SLC39A11: variants seen among roughly 807,000 people sequenced by gnomAD.
SLC39A11 encodes the protein solute carrier family 39 member 11.
In SLC39A11, 33 loss-of-function variants were observed where a neutral mutation model predicts 36.1. The ratio of observed to expected loss-of-function variants is 0.91; its 90% CI spans 0.69 to 1.22. SLC39A11 has a LOEUF of 1.22. Ranked by LOEUF, SLC39A11 falls within the 50% of genes most tolerant of loss-of-function variation. SLC39A11 has a pLI of 0.00. For missense variants in SLC39A11, 432 were observed against 430.3 expected (o/e 1.00, Z -0.03); for synonymous variants, 166 against 170.3 (o/e 0.97, Z 0.20).
At chr17:72,674,767 C>A (rs923302486) in intron 7 of SLC39A11, among the ~76,000 whole-genome samples, 1 of 152,190 alleles carries the variant, frequency 6.6e-6, no homozygotes, top group Non-Finnish European at 1.5e-5. Flanking sequence ...AGTGTTGTTA[C>A]AACTAGCATG....
chr17:73,055,353 G>A (rs1157046810), intron 3 of SLC39A11, among the ~76,000 whole-genome samples: 1 of 152,104 alleles, frequency 6.6e-6, no homozygotes, highest in Non-Finnish European at 1.5e-5. Flanking sequence ...GAGGATGTCT[G>A]CACAATTGAG....
intron 4 of SLC39A11, among the ~76,000 whole-genome samples, chr17:72,969,245 A>G (rs1375035497): frequency 6.6e-6 from 1 of 152,190 alleles, no homozygotes; most frequent in Admixed American, 6.5e-5. Context: ...AGCCAGCTTC[A>G]TTGGCAGCAG....
At position 72,902,764 on chromosome 17, in the gene SLC39A11, ACCAGTGGGTACCCCTCTGGTTTCTT is replaced by A. The variant is rs531374502; in HGVS notation, c.430+44963_430+44987del. Among the ~76,000 whole-genome samples the A allele has an allele frequency of 5.2e-3, 797 of 152,176 alleles. 3 individuals carry two copies. Among genetic ancestry groups the A allele is most frequent in the African/African-American group, 0.019 (768 of 41,506 alleles). On this transcript the variant is annotated intron_variant, in intron 5 of 9. Coordinates refer to ENST00000255559, the MANE Select transcript of SLC39A11 (RefSeq NM_139177.4). ...AACCAGGTGTACAATTAGCTTAACAACCAGTGGGTACCCCTCTGGTTTCTTCCAGTGGGTACCCCTCTGCCCAGGA... is the reference window on the plus strand; with the variant it reads ...AACCAGGTGTACAATTAGCTTAACAACCAGTGGGTACCCCTCTGCCCAGGA...
rs369459244 is a variant in SLC39A11, at chr17:72,849,546, C to T, written c.601+88G>A. ...CCAAAAAGGACCCACGTCACAATTG[C>T]CCCTTCCCCTTTTCCAGCCAGACAA... is the stretch of plus-strand genomic sequence containing the variant. On this transcript the variant is annotated intron_variant, in intron 6 of 9. Transcript: ENST00000255559. 21 of 1,364,764 alleles carry T rather than the reference C, an allele frequency of 1.5e-5. 1 individual carries two copies. In the African/African-American group the frequency reaches 2.2e-4, roughly 14 times the overall value. 84.5% of individuals were successfully genotyped at this position (1,364,764 alleles called of 1,614,324 possible). A position where few individuals can be genotyped will look rare whatever the true frequency, so the allele number is the denominator to read the frequency against.
chr17:73,049,251 C>G (rs947597767), intron 3 of SLC39A11, among the ~76,000 whole-genome samples: 1 of 152,160 alleles, frequency 6.6e-6, no homozygotes, highest in Non-Finnish European at 1.5e-5. Flanking sequence ...CAGAGAGGGA[C>G]TGGGGGCAGG....
At chr17:72,738,739 G>T (rs1221457668) in intron 6 of SLC39A11, among the ~76,000 whole-genome samples, 1 of 152,164 alleles carries the variant, frequency 6.6e-6, no homozygotes, top group Non-Finnish European at 1.5e-5. Context: ...GGTCAAATTC[G>T]AACTTTCTTT....
chr17:72,703,453 G>A (rs779306189), intron 7 of SLC39A11, among the ~76,000 whole-genome samples: 2 of 152,138 alleles, frequency 1.3e-5, no homozygotes, highest in Non-Finnish European at 2.9e-5. Context: ...CCTTTGAATG[G>A]GCATTTTCTT....
rs201373790 is a variant in SLC39A11 at position 72,822,257 on chromosome 17, TAGAG to T, written c.601+27373_601+27376del. Among the ~76,000 whole-genome samples, 66 of 147,054 alleles carry T rather than the reference TAGAG, an allele frequency of 4.5e-4. 4 individuals are homozygous for T. Among genetic ancestry groups the T allele is most frequent in the African/African-American group, 5.4e-4 (22 of 40,538 alleles). On this transcript the variant is annotated intron_variant, in intron 6 of 9. Transcript: ENST00000255559. ...ACTATACACACATACTATATATATATAGAGAGAGAGAATATATATAGAGAGAGAT... is the reference window on the plus strand; with the variant it reads ...ACTATACACACATACTATATATATATAGAGAGAATATATATAGAGAGAGAT...
chr17:72,801,884 T>C (rs994774936), intron 6 of SLC39A11, among the ~76,000 whole-genome samples: 14 of 152,094 alleles, frequency 9.2e-5, no homozygotes, highest in Non-Finnish European at 1.9e-4. Flanking sequence ...TTTAAAACAA[T>C]AAAAAAACTT....
chr17:72,727,285 C>T (rs2073966012), intron 7 of SLC39A11, among the ~76,000 whole-genome samples: 2 of 152,168 alleles, frequency 1.3e-5, no homozygotes, highest in Admixed American at 6.5e-5. Flanking sequence ...GCATGCAATT[C>T]CCCAAGCACA....
chr17:72,685,147 G>A (rs560515244), intron 7 of SLC39A11, among the ~76,000 whole-genome samples: 88 of 144,988 alleles, frequency 6.1e-4, no homozygotes, highest in African/African-American at 2.1e-3. Flanking sequence ...GGGACACAGG[G>A]GTGAATGAGA....
At chr17:72,966,639 T>G (rs911299172) in intron 4 of SLC39A11, among the ~76,000 whole-genome samples, 1 of 152,072 alleles carries the variant, frequency 6.6e-6, no homozygotes, top group East Asian at 1.9e-4. Context: ...GCGCGATCTC[T>G]GCTCACTGCA....
intron 4 of SLC39A11, among the ~76,000 whole-genome samples, chr17:72,973,418 G>T (rs537089875): frequency 7.9e-5 from 12 of 152,038 alleles, no homozygotes; most frequent in African/African-American, 2.7e-4. Context: ...AAGATGAGAA[G>T]GGACAACCTC....
At chr17:72,840,477 G>T (rs184242309) in intron 6 of SLC39A11, among the ~76,000 whole-genome samples, 1 of 152,214 alleles carries the variant, frequency 6.6e-6, no homozygotes, top group Admixed American at 6.5e-5. Context: ...AAAATTAGGC[G>T]GCTGGGAGTG....
chr17:72,668,290 G>T (rs2070847097), intron 7 of SLC39A11, among the ~76,000 whole-genome samples: 1 of 150,596 alleles, frequency 6.6e-6, no homozygotes, highest in Non-Finnish European at 1.5e-5. Flanking sequence ...GACCAAGTCA[G>T]TAACTATAAA....
chr17:72,936,291 G>A (rs2084747852), intron 5 of SLC39A11, among the ~76,000 whole-genome samples: 1 of 151,752 alleles, frequency 6.6e-6, no homozygotes, highest in East Asian at 1.9e-4. Context: ...CACATTTTCC[G>A]AGATGATCCC....
At chr17:72,863,673 G>A (rs1230106940) in intron 5 of SLC39A11, among the ~76,000 whole-genome samples, 1 of 152,304 alleles carries the variant, frequency 6.6e-6, no homozygotes, top group East Asian at 1.9e-4. Flanking sequence ...AGACAGTCAG[G>A]TCCTGGCTCA....
chr17:72,713,530 T>C (rs979127414), intron 7 of SLC39A11, among the ~76,000 whole-genome samples: 1 of 152,192 alleles, frequency 6.6e-6, no homozygotes, highest in African/African-American at 2.4e-5. Context: ...TTCTCATACA[T>C]TGCCCTTAAC....
rs67207508 is a variant in SLC39A11, at chr17:72,949,950, GACACACACACACACACACAC to G, written c.307-2095_307-2076del. On this transcript the variant is annotated intron_variant, in intron 4 of 9. Transcript: ENST00000255559. ...CACAAAAGGGATACCAGGCTGCTGT[GACACACACACACACACACAC>G]ACACACACACACACACACACACACA... 1.6e-3 allele frequency among the ~76,000 whole-genome samples: 231 copies of G among 146,252 alleles called. 2 individuals carry two copies. The highest frequency in any genetic ancestry group is 5.0e-3 in the South Asian group (22 of 4,410).
Sources: gnomAD v4.1 joint callset for allele counts (sites outside exome capture counted in the v4.1 genomes callset) on GRCh38, gnomAD v4.1.1 for gene constraint, MANE v1.5 for transcripts, NCBI Gene and HGNC (gene_info 2026-07-23, HGNC 2026-07-21) for gene names.